Variants in TUT7 observed in about 807,000 individuals in gnomAD.
The protein encoded by TUT7 is terminal uridylyltransferase 7.
Under a neutral mutation model 165.9 loss-of-function variants are expected in TUT7, and 33 were observed. That is an observed-to-expected ratio of 0.20 (90% CI 0.15 to 0.27). The LOEUF is 0.27. Ranked by LOEUF, TUT7 falls within the 10% of genes least tolerant of loss-of-function variation. TUT7 has a pLI of 1.00. For missense variants in TUT7, 1,338 were observed against 1,762.3 expected (o/e 0.76, Z 4.31); for synonymous variants, 552 against 608.1 (o/e 0.91, Z 1.36).
intron 2 of TUT7, among the ~76,000 whole-genome samples, chr9:86,348,757 CA>C (rs1424993873): frequency 6.6e-6 from 1 of 151,144 alleles, no homozygotes; most frequent in Admixed American, 6.6e-5. Flanking sequence ...GTCTAAAAAA[CA>C]AACAAACAAA....
chr9:86,329,811 T>C (rs1161939965), intron 10 of TUT7, among the ~76,000 whole-genome samples: 1 of 152,112 alleles, frequency 6.6e-6, no homozygotes, highest in African/African-American at 2.4e-5. Flanking sequence ...AGATGACACC[T>C]GGTATTCCCT....
At chr9:86,351,192 T>C (rs981915402) in intron 2 of TUT7, among the ~76,000 whole-genome samples, 4 of 151,684 alleles carry the variant, frequency 2.6e-5, no homozygotes, top group Non-Finnish European at 5.9e-5. Flanking sequence ...TCCCAGCACT[T>C]TGGGAGGCCA....
chr9:86,323,099 G>A lies in TUT7; in HGVS notation c.2651C>T (p.Thr884Ile), dbSNP rs1829467239. The part of the protein sequence containing the change: ...ANEDELDNTY[T>I]GSGDEDALSE... ...TAGGGCGTCCTCATCCCCTGACCCA[G>A]TGTAGGTGTTGTCTAACTCATCTTC... The change falls in exon 13 of 27, where the codon ACT becomes ATT. Residue 884 changes from threonine (T) to isoleucine (I), a missense_variant. Physicochemically the swap from Thr to Ile is moderately conservative, Grantham distance 89. Coordinates refer to ENST00000375963, the MANE Select transcript of TUT7 (RefSeq NM_024617.4). 3.7e-6 allele frequency: 6 copies of A among 1,614,170 alleles called. No individual in the cohort carries two copies. Among genetic ancestry groups the A allele is most frequent in the Non-Finnish European group, 5.1e-6 (6 of 1,180,038 alleles).
intron 26 of TUT7, among the ~76,000 whole-genome samples, chr9:86,300,927 G>A (rs79395106): frequency 0.019 from 2,964 of 152,312 alleles, 109 homozygotes; most frequent in African/African-American, 0.067. Flanking sequence ...CCTGTGATTT[G>A]ATTTCACAAG....
chr9:86,335,381 T>C (rs1369281969), intron 10 of TUT7, among the ~76,000 whole-genome samples: 5 of 152,144 alleles, frequency 3.3e-5, no homozygotes, highest in Non-Finnish European at 1.5e-5. Flanking sequence ...TTAACTTCAA[T>C]CATATCAAGA....
chr9:86,320,644 A>G (rs1829188487), intron 14 of TUT7, among the ~76,000 whole-genome samples: 1 of 152,200 alleles, frequency 6.6e-6, no homozygotes, highest in Non-Finnish European at 1.5e-5. Context: ...ATTAACTGCC[A>G]TCTAGAAAAA....
chr9:86,308,682 G>C, intron 21 of TUT7, 76 bp from the exon 22 acceptor site: 1 of 1,252,262 alleles, frequency 8.0e-7, no homozygotes, highest in Non-Finnish European at 1.1e-6. Flanking sequence ...GTATTTTAGG[G>C]AGTAAATTTG....
intron 14 of TUT7, among the ~76,000 whole-genome samples, chr9:86,320,562 A>G (rs1416061986): frequency 6.6e-6 from 1 of 152,218 alleles, no homozygotes; most frequent in Non-Finnish European, 1.5e-5. Context: ...TAACCCAGGA[A>G]TTCTAAGAGA....
At chr9:86,337,661 GA>G in intron 9 of TUT7, 123 bp from the exon 10 acceptor site, 1 of 1,169,208 alleles carries the variant, frequency 8.6e-7, no homozygotes, top group Non-Finnish European at 1.2e-6. Context: ...TTCTTCAGCT[GA>G]AAATAGCAGT....
At chr9:86,317,613 C>G (rs768406631) in intron 16 of TUT7, among the ~76,000 whole-genome samples, 1 of 152,106 alleles carries the variant, frequency 6.6e-6, no homozygotes, top group Non-Finnish European at 1.5e-5. Flanking sequence ...TCGGATGTAC[C>G]CCATGTCCCA....
rs1379712911 is a variant in TUT7, at chr9:86,301,424, A to G, written c.4272T>C (p.Ala1424=). The part of the protein sequence containing the change: ...TPQKAKPMRA[A]ADLGREKILR... ...GGATCTTCTCCCTCCCCAGGTCAGC[A>G]GCTGCCCGCATTGGCTTGGCTTTCT... Residue 1424 remains alanine (A), a synonymous_variant, in exon 26 of 27, where the codon GCT becomes GCC. Transcript: ENST00000375963. 6.2e-6 allele frequency: 10 copies of G among 1,614,166 alleles called. No homozygotes were observed. The highest frequency in any genetic ancestry group is 2.7e-5 in the African/African-American group (2 of 75,032).
chr9:86,296,789 T>C (rs1295103024), intron 26 of TUT7, among the ~76,000 whole-genome samples: 1 of 152,196 alleles, frequency 6.6e-6, no homozygotes, highest in African/African-American at 2.4e-5. Context: ...TACTTAATAC[T>C]ATGGAAAGGA....
intron 26 of TUT7, among the ~76,000 whole-genome samples, chr9:86,297,491 T>G (rs117245171): frequency 3.3e-5 from 5 of 152,152 alleles, no homozygotes; most frequent in East Asian, 3.9e-4. Context: ...CAAGAATTAG[T>G]TTTTTTTCCC....
At chr9:86,309,099 T>C in intron 21 of TUT7, 113 bp downstream of exon 21, 1 of 671,396 alleles carries the variant, frequency 1.5e-6, no homozygotes, top group Non-Finnish European at 2.6e-6. Context: ...TTTTTTACTA[T>C]CATAAGATAT....
intron 15 of TUT7, 60 bp downstream of exon 15, chr9:86,319,524 G>T: frequency 8.5e-7 from 1 of 1,170,782 alleles, no homozygotes; most frequent in Non-Finnish European, 1.2e-6. Context: ...TGTAACACAT[G>T]AACTGATTTG....
chr9:86,352,516 A>G, intron 2 of TUT7, 164 bp downstream of exon 2: 2 of 815,990 alleles, frequency 2.5e-6, no homozygotes, highest in Non-Finnish European at 3.9e-6. Context: ...CTCAAATATC[A>G]TGATTACTAT....
chr9:86,301,146 A>G (rs542356559), intron 26 of TUT7, 130 bp downstream of exon 26: 4 of 889,368 alleles, frequency 4.5e-6, no homozygotes, highest in Non-Finnish European at 6.7e-6. Context: ...TTACTTTCTT[A>G]AAAACAAGAT....
chr9:86,319,024 A>G lies in TUT7; in HGVS notation c.3150T>C (p.Asn1050=). Reference sequence around the variant, plus strand: ...GGTCACTCTGTTTGAACCCAAATCCATTTTTGGAGGAGCCAAACAGGCTCA... The same window carrying G: ...GGTCACTCTGTTTGAACCCAAATCCGTTTTTGGAGGAGCCAAACAGGCTCA... ...TKLSLFGSSK[N]GFGFKQSDLD... The change falls in exon 16 of 27, where the codon AAT becomes AAC. Residue 1050 remains asparagine (N), a synonymous_variant. Coordinates refer to ENST00000375963, the MANE Select transcript of TUT7 (RefSeq NM_024617.4). 1.2e-6 allele frequency: 2 copies of G among 1,613,928 alleles called. No homozygotes were observed. The highest frequency in any genetic ancestry group is 1.7e-6 in the Non-Finnish European group (2 of 1,179,924).
chr9:86,304,146 GAT>G (rs35411652), intron 24 of TUT7, among the ~76,000 whole-genome samples: 47,396 of 151,682 alleles, frequency 0.31, 8,798 homozygotes, highest in African/African-American at 0.5. Flanking sequence ...ATGGTGAGGT[GAT>G]ATATATATGT....
Sources: allele counts gnomAD v4.1 joint callset (sites outside exome capture counted in the v4.1 genomes callset), GRCh38; gene constraint gnomAD v4.1.1; transcripts MANE v1.5; gene names NCBI Gene and HGNC (gene_info 2026-07-23, HGNC 2026-07-21).